The following CTDSPL2 variants were observed in gnomAD, a reference collection of about 807,000 sequenced individuals.
CTDSPL2 encodes CTD small phosphatase-like protein 2.
In CTDSPL2, 5 loss-of-function variants were observed where a neutral mutation model predicts 60.0. That is an observed-to-expected ratio of 0.08 (90% CI 0.04 to 0.18). The LOEUF is 0.18. Ranked by LOEUF, CTDSPL2 falls within the 10% of genes least tolerant of loss-of-function variation. CTDSPL2 has a pLI of 1.00. For missense variants in CTDSPL2, 370 were observed against 548.8 expected (o/e 0.67, Z 3.26); for synonymous variants, 186 against 189.3 (o/e 0.98, Z 0.14).
intron 1 of CTDSPL2, chr15:44,448,779 G>T: frequency 2.8e-6 from 1 of 354,206 alleles, no homozygotes; most frequent in Non-Finnish European, 5.5e-6. Flanking sequence ...TACCACCAAG[G>T]CCATAGGGAA....
In CTDSPL2 at chr15:44,435,295, C is replaced by T. The variant is rs184851065; in HGVS notation, c.-25+7523C>T. Among the ~76,000 whole-genome samples, 577 of 149,802 alleles carry T rather than the reference C, an allele frequency of 3.9e-3. 4 individuals are homozygous for T. The highest frequency in any genetic ancestry group is 5.6e-3 in the Non-Finnish European group (379 of 67,650). ...AAAAAAAAGAATCCTTCTAACTGTG[C>T]GCAATGGCTCACGCGTGTAATCCCA... is the stretch of plus-strand genomic sequence containing the variant. On this transcript the variant is annotated intron_variant, in intron 1 of 12. Coordinates refer to ENST00000260327, the MANE Select transcript of CTDSPL2 (RefSeq NM_016396.3).
At chr15:44,509,387 G>A (rs1296862165) in intron 8 of CTDSPL2, among the ~76,000 whole-genome samples, 1 of 151,804 alleles carries the variant, frequency 6.6e-6, no homozygotes, top group African/African-American at 2.4e-5. Flanking sequence ...TGCATTTTTA[G>A]TAGAGACGGG....
chr15:44,465,294 C>A (rs2080663139), intron 2 of CTDSPL2, among the ~76,000 whole-genome samples: 2 of 152,106 alleles, frequency 1.3e-5, no homozygotes, highest in Admixed American at 6.6e-5. Context: ...TGTTTTCTAC[C>A]ATGAATCTCT....
intron 1 of CTDSPL2, among the ~76,000 whole-genome samples, chr15:44,434,640 C>G (rs183526808): frequency 3.9e-5 from 6 of 152,294 alleles, no homozygotes; most frequent in Non-Finnish European, 5.9e-5. Flanking sequence ...GTGACCTCTT[C>G]CTAGGTGGGC....
chr15:44,504,322 C>T (rs922311225), intron 8 of CTDSPL2, among the ~76,000 whole-genome samples: 2 of 152,054 alleles, frequency 1.3e-5, no homozygotes, highest in African/African-American at 4.8e-5. Context: ...TGCACTCCAG[C>T]CTGGGCGACA....
chr15:44,459,100 A>G lies in CTDSPL2; in HGVS notation c.86A>G (p.Glu29Gly). 1 of 1,613,384 alleles carries G rather than the reference A, an allele frequency of 6.2e-7. No individual in the cohort carries two copies. Among genetic ancestry groups the G allele is most frequent in the South Asian group, 1.1e-5 (1 of 91,028 alleles). ...RTARAKRKYS[E>G]VDDSLPSGGE... ...GCCAGAGCAAAGAGGAAATATTCAG[A>G]GGTTGATGATAGCCTGCCTTCAGGA... is the stretch of plus-strand genomic sequence containing the variant. Residue 29 changes from glutamate to glycine, a missense_variant, in exon 2 of 13, where the codon GAG (glutamate) becomes GGG (glycine). This residue lies in a region of CTDSPL2 where 287 missense variants were observed against 296.1 expected (regional missense o/e 0.97). Transcript: ENST00000260327.
intron 1 of CTDSPL2, among the ~76,000 whole-genome samples, chr15:44,439,349 A>G (rs1007823589): frequency 1.3e-5 from 2 of 151,740 alleles, no homozygotes; most frequent in Non-Finnish European, 2.9e-5. Flanking sequence ...GGGTTTCACC[A>G]TATTGACCAG....
chr15:44,464,723 G>T (rs2080648393), intron 2 of CTDSPL2, among the ~76,000 whole-genome samples: 1 of 152,000 alleles, frequency 6.6e-6, no homozygotes, highest in African/African-American at 2.4e-5. Flanking sequence ...GTGCGTGTAT[G>T]TGAGACAGAG....
intron 1 of CTDSPL2, among the ~76,000 whole-genome samples, chr15:44,446,145 C>T (rs967903485): frequency 6.6e-6 from 1 of 151,572 alleles, no homozygotes; most frequent in South Asian, 2.1e-4. Context: ...AGGCAGTTCT[C>T]GAACTCCTGA....
rs546077849 is a variant in CTDSPL2 at position 44,443,851 on chromosome 15, C to T, written c.-24-15140C>T. ...TGATTTGCAAGTATTTTCTGCCATT[C>T]CATGGTTTGTCTTTTCACTCTGTTG... On this transcript the variant is annotated intron_variant, in intron 1 of 12. Transcript: ENST00000260327. 3.2e-4 allele frequency among the ~76,000 whole-genome samples: 49 copies of T among 152,186 alleles called. No homozygotes were observed. In the South Asian group the frequency reaches 0.01, roughly 32 times the overall value.
chr15:44,436,090 G>T (rs147302848), intron 1 of CTDSPL2, among the ~76,000 whole-genome samples: 2 of 152,292 alleles, frequency 1.3e-5, no homozygotes, highest in African/African-American at 4.8e-5. Flanking sequence ...CTTGATTTCA[G>T]ATTAGTCAGG....
At position 44,525,343 on chromosome 15, in the gene CTDSPL2, G is replaced by T. The variant is rs1026417080; in HGVS notation, c.*1169G>T. ...TCATAGTGGTTTTTCTATGCTATAT[G>T]AAAATAGTCTTCAAGCCTTGGTTCT... On this transcript the variant is annotated 3_prime_UTR_variant, in exon 13 of 13. Transcript: ENST00000260327. 1 of 398,652 alleles carries T rather than the reference G, an allele frequency of 2.5e-6. No homozygotes were observed. The highest frequency in any genetic ancestry group is 4.4e-6 in the Non-Finnish European group (1 of 225,750). 24.7% of individuals were successfully genotyped at this position (398,652 alleles called of 1,614,324 possible).
At chr15:44,514,735 A>C (rs2081621474) in intron 9 of CTDSPL2, 30 bp from the exon 10 acceptor site, 1 of 1,551,062 alleles carries the variant, frequency 6.4e-7, no homozygotes, top group Non-Finnish European at 8.9e-7. Flanking sequence ...ACCATGTATA[A>C]TGATTACTTC....
Position 44,527,302 on chromosome 15 carries a change from G to GGGTT in CTDSPL2, c.*3128_*3129insGGTT, listed in dbSNP as rs2081890671. Reference sequence around the variant, plus strand: ...GTTTTTTTTTCCAAGGGTTAACATAGAATGTTTTTTTTAAAAAATTATCTT... The same window carrying GGGTT: ...GTTTTTTTTTCCAAGGGTTAACATAGGGTTAATGTTTTTTTTAAAAAATTATCTT... On this transcript the variant is annotated 3_prime_UTR_variant, in exon 13 of 13. Transcript: ENST00000260327. 1 of 152,136 alleles carries GGGTT rather than the reference G, an allele frequency of 6.6e-6. No individual in the cohort carries two copies. Among genetic ancestry groups the GGGTT allele is most frequent in the East Asian group, 1.9e-4 (1 of 5,178 alleles). 9.4% of individuals were successfully genotyped at this position (152,136 alleles called of 1,614,324 possible).
At chr15:44,464,039 C>T (rs922107935) in intron 2 of CTDSPL2, among the ~76,000 whole-genome samples, 6 of 152,124 alleles carry the variant, frequency 3.9e-5, no homozygotes, top group African/African-American at 1.4e-4. Flanking sequence ...GATGCAGTTT[C>T]ACTCTTGTTG....
At chr15:44,484,665 GGGAGGCAGA>G (rs2081088339) in intron 3 of CTDSPL2, among the ~76,000 whole-genome samples, 1 of 152,144 alleles carries the variant, frequency 6.6e-6, no homozygotes, top group African/African-American at 2.4e-5. Context: ...GCTGGAACCC[GGGAGGCAGA>G]GGTTGCAGTA....
At chr15:44,461,833 C>T (rs1303205405) in intron 2 of CTDSPL2, among the ~76,000 whole-genome samples, 2 of 152,154 alleles carry the variant, frequency 1.3e-5, no homozygotes, top group Admixed American at 6.5e-5. Flanking sequence ...TCCTCATTAT[C>T]TTCTAGGCTG....
intron 10 of CTDSPL2, among the ~76,000 whole-genome samples, chr15:44,515,640 T>A (rs1338104392): frequency 6.6e-6 from 1 of 151,820 alleles, no homozygotes; most frequent in African/African-American, 2.4e-5. Flanking sequence ...GGAGGCTGAG[T>A]CTGGCTAATC....
intron 1 of CTDSPL2, among the ~76,000 whole-genome samples, chr15:44,437,834 G>A (rs1412280332): frequency 2.6e-5 from 4 of 152,176 alleles, no homozygotes; most frequent in Non-Finnish European, 5.9e-5. Context: ...GGCTATAGAG[G>A]TGGTTACTTA....
Sources: allele counts gnomAD v4.1 joint callset (sites outside exome capture counted in the v4.1 genomes callset), GRCh38; gene constraint gnomAD v4.1.1; regional missense constraint gnomAD v4.1.1; transcripts MANE v1.5; gene names NCBI Gene and HGNC (gene_info 2026-07-23, HGNC 2026-07-21).